Variants in FHL1 observed in about 807,000 individuals in gnomAD.
The protein encoded by FHL1 is four and a half LIM domains protein 1.
FHL1 carries 1 observed loss-of-function variant against 20.3 expected under a neutral mutation model. That is an observed-to-expected ratio of 0.05 (90% CI 0.02 to 0.23). The LOEUF is 0.23. Ranked by LOEUF, FHL1 falls within the 10% of genes least tolerant of loss-of-function variation. The pLI is 1.00. For missense variants in FHL1, 177 were observed against 234.0 expected, an observed-to-expected ratio of 0.76 and a Z score of 1.59; for synonymous variants, 82 against 88.9, an observed-to-expected ratio of 0.92 and a Z score of 0.44.
rs767914666 is a variant in FHL1, at chrX:136,210,666, G to A, written c.*641G>A. The A allele has an allele frequency of 3.9e-5, 15 of 388,363 alleles. No homozygotes were observed. Among genetic ancestry groups the A allele is most frequent in the Middle Eastern group, 7.2e-4 (1 of 1,380 alleles). The allele number at this position is 388,363 out of a possible 1,213,427, so 32.0% of individuals were successfully genotyped here. On this transcript the variant is annotated 3_prime_UTR_variant, in exon 6 of 6. Coordinates refer to ENST00000370683, the MANE Select transcript of FHL1 (RefSeq NM_001159699.2). ...TCCCCGTGTGGCATGTTTTCTGAGC[G>A]TTCCTACTTTAAAGCATGGAACATG...
At chrX:136,172,443 A>G (rs190870675) in intron 2 of FHL1, among the ~76,000 whole-genome samples, 16 of 112,510 alleles carry the variant, frequency 1.4e-4, no homozygotes, top group African/African-American at 5.2e-4. Context: ...TTTCTCAATT[A>G]CATTGCCCAG....
intron 1 of FHL1, among the ~76,000 whole-genome samples, chrX:136,158,265 C>T (rs2072473101): frequency 8.9e-6 from 1 of 112,091 alleles, no homozygotes; most frequent in Non-Finnish European, 1.9e-5. Context: ...TTATTACTCT[C>T]ATTGATATAT....
intron 1 of FHL1, among the ~76,000 whole-genome samples, chrX:136,151,368 GT>G (rs2072259070): frequency 8.9e-6 from 1 of 112,886 alleles, no homozygotes; most frequent in African/African-American, 3.2e-5. Flanking sequence ...CAATAACAGC[GT>G]CTTGAGGTGA....
intron 1 of FHL1, among the ~76,000 whole-genome samples, chrX:136,160,064 A>G (rs1259808711): frequency 2.7e-5 from 3 of 112,214 alleles, no homozygotes; most frequent in Non-Finnish European, 5.6e-5. Context: ...TTTTATAGGC[A>G]TTAATGTAAA....
chrX:136,207,694 C>A, intron 3 of FHL1, 98 bp from the exon 4 acceptor site: 1 of 931,137 alleles, frequency 1.1e-6, no homozygotes, highest in Non-Finnish European at 1.5e-6. Context: ...GCAGGGCCTG[C>A]ATCCCCTCAC....
At chrX:136,149,240 C>T (rs765755286) in intron 1 of FHL1, among the ~76,000 whole-genome samples, 112 of 112,313 alleles carry the variant, frequency 1.0e-3, no homozygotes, top group African/African-American at 3.5e-3. Flanking sequence ...CAGCTCATCT[C>T]CAAGAACCGG....
intron 2 of FHL1, among the ~76,000 whole-genome samples, chrX:136,187,342 T>C (rs1173778624): frequency 6.4e-5 from 7 of 109,905 alleles, no homozygotes; most frequent in Admixed American, 5.8e-4. Flanking sequence ...AATAAACCCA[T>C]GCAAAAAAAA....
rs774024150 is a variant in FHL1 at position 136,209,986 on chromosome X, G to C, written c.852G>C (p.Gln284His). 2 of 1,209,089 alleles carry C rather than the reference G, an allele frequency of 1.7e-6. No homozygotes were observed. Among genetic ancestry groups the C allele is most frequent in the Non-Finnish European group, 2.2e-6 (2 of 895,093 alleles). ...CCAACAAGCGCTTTGTTTTCCACCA[G>C]GAGCAAGTGTATTGTCCCGACTGTG... ...NLANKRFVFH[Q>H]EQVYCPDCAK... The change falls in exon 6 of 6, where the codon CAG (glutamine) becomes CAC (histidine). Residue 284 changes from glutamine to histidine, a missense_variant. Gln to His is a conservative substitution (Grantham distance 24, BLOSUM62 0). Transcript: ENST00000370683.
At chrX:136,161,999 T>C (rs996048223) in intron 1 of FHL1, among the ~76,000 whole-genome samples, 2 of 109,131 alleles carry the variant, frequency 1.8e-5, no homozygotes, top group African/African-American at 3.3e-5. Flanking sequence ...GGCATCTGCC[T>C]GTGGTCCCAG....
intron 1 of FHL1, among the ~76,000 whole-genome samples, chrX:136,150,558 T>C (rs2072239050): frequency 1.8e-5 from 2 of 112,239 alleles, no homozygotes; most frequent in Admixed American, 1.9e-4. Flanking sequence ...AGACTGTAAT[T>C]GTTTTTTCTT....
At chrX:136,198,599 C>G (rs1239341551) in intron 1 of FHL1, among the ~76,000 whole-genome samples, 1 of 111,678 alleles carries the variant, frequency 9.0e-6, no homozygotes, top group Non-Finnish European at 1.9e-5. Context: ...CAGAGAAGTC[C>G]TCATAGAAAA....
intron 4 of FHL1, 24 bp downstream of exon 4, chrX:136,207,985 A>G (rs778461844): frequency 1.7e-6 from 2 of 1,209,437 alleles, no homozygotes; most frequent in Non-Finnish European, 2.2e-6. Flanking sequence ...GGAGTTCTGC[A>G]TTGACCGTTG....
At position 136,209,910 on chromosome X, in the gene FHL1, A is replaced by C. The variant is rs1389916579; in HGVS notation, c.776A>C (p.Gln259Pro). 3 of 1,208,088 alleles carry C rather than the reference A, an allele frequency of 2.5e-6. No homozygotes were observed. The highest frequency in any genetic ancestry group is 1.1e-6 in the Non-Finnish European group (1 of 894,789). Residue 259 changes from glutamine to proline, a missense_variant, in exon 6 of 6, where the codon CAA (glutamine) becomes CCA (proline). Coordinates refer to ENST00000370683, the MANE Select transcript of FHL1 (RefSeq NM_001159699.2). The stretch of plus-strand genomic sequence containing the variant: ...TCCAGTGTGGTGGCCTATGAAGGAC[A>C]ATCCTGGCACGACTACTGCTTCCAC... ...KGSSVVAYEG[Q>P]SWHDYCFHCK... is the part of the protein sequence containing the mutation.
upstream of FHL1, among the ~76,000 whole-genome samples, chrX:136,195,033 C>G (rs1028793926): frequency 1.8e-5 from 2 of 112,166 alleles, no homozygotes; most frequent in African/African-American, 6.5e-5. Flanking sequence ...TCATAGTTGA[C>G]TAATTCATGG....
At chrX:136,194,985 A>G (rs1203935864), upstream of FHL1, among the ~76,000 whole-genome samples, 1 of 111,787 alleles carries the variant, frequency 8.9e-6, no homozygotes, top group Non-Finnish European at 1.9e-5. Flanking sequence ...AATAAATGCT[A>G]TTGTTGCAGG....
chrX:136,155,121 C>T (rs993631685), intron 1 of FHL1, among the ~76,000 whole-genome samples: 2 of 112,285 alleles, frequency 1.8e-5, no homozygotes, highest in East Asian at 2.8e-4. Flanking sequence ...ATCTGTTTCA[C>T]TCTCAGGGTG....
intron 1 of FHL1, among the ~76,000 whole-genome samples, chrX:136,148,975 C>G (rs756696956): frequency 8.9e-6 from 1 of 112,179 alleles, no homozygotes; most frequent in Non-Finnish European, 1.9e-5. Context: ...CGGGATTATC[C>G]GAGCCCCCTT....
chrX:136,206,174 G>C lies in FHL1; in HGVS notation c.23-233G>C, dbSNP rs2073834520. 8.8e-6 allele frequency: 4 copies of C among 454,451 alleles called. No homozygotes were observed. The East Asian group carries it at 1.5e-4, about 17-fold the overall frequency. The allele number at this position is 454,451 out of a possible 1,213,427, so 37.5% of individuals were successfully genotyped here. On this transcript the variant is annotated intron_variant, in intron 1 of 5. Transcript: ENST00000370683. The stretch of plus-strand genomic sequence containing the variant: ...CAGGGGCTTCTACCATCTCCCCAGG[G>C]AATCACTAGCCATCGGCCATCTGGC...
At chrX:136,176,420 T>C (rs1325319458) in intron 2 of FHL1, among the ~76,000 whole-genome samples, 5 of 112,581 alleles carry the variant, frequency 4.4e-5, no homozygotes, top group Non-Finnish European at 7.5e-5. Flanking sequence ...GGTCAGTTAC[T>C]TCATGTCTGT....
Sources: allele counts gnomAD v4.1 joint callset (sites outside exome capture counted in the v4.1 genomes callset), GRCh38; gene constraint gnomAD v4.1.1; transcripts MANE v1.5; gene names NCBI Gene and HGNC (gene_info 2026-07-23, HGNC 2026-07-21).